Variants in PARP4 observed in about 807,000 individuals in gnomAD.
PARP4 encodes the protein protein mono-ADP-ribosyltransferase PARP4.
Under a neutral mutation model 187.7 loss-of-function variants are expected in PARP4, and 120 were observed. The observed-to-expected ratio is 0.64, with a 90% confidence interval of 0.55 to 0.74. The LOEUF (loss-of-function observed/expected upper bound fraction) is 0.74, where lower values mean the gene tolerates loss of function less well. Among genes scored for constraint, PARP4 ranks in the 30% least tolerant of loss-of-function variants. PARP4 has a pLI of 0.00. For missense variants in PARP4, 1,836 were observed against 2,070.5 expected (o/e 0.89, Z 2.20); for synonymous variants, 654 against 740.9 (o/e 0.88, Z 1.90).
intron 6 of PARP4, among the ~76,000 whole-genome samples, 187 bp from the exon 7 acceptor site, chr13:24,494,909 T>A (rs1868863919): frequency 6.6e-6 from 1 of 151,674 alleles, no homozygotes; most frequent in African/African-American, 2.4e-5. Context: ...TCTTGCTCTG[T>A]CGCCCAGACT....
intron 10 of PARP4, among the ~76,000 whole-genome samples, chr13:24,486,948 C>T (rs533538248): frequency 9.3e-5 from 14 of 151,030 alleles, no homozygotes; most frequent in South Asian, 4.2e-4. Flanking sequence ...GGCGACAGAA[C>T]GAGACTCTGT....
At chr13:24,489,610 A>G (rs1267236564) in intron 10 of PARP4, among the ~76,000 whole-genome samples, 3 of 152,230 alleles carry the variant, frequency 2.0e-5, no homozygotes, top group East Asian at 1.9e-4. Flanking sequence ...CTCCGTCTCA[A>G]AAAAATAAAA....
At chr13:24,444,424 T>G (rs1178629051) in intron 27 of PARP4, among the ~76,000 whole-genome samples, 1 of 152,286 alleles carries the variant, frequency 6.6e-6, no homozygotes, top group Non-Finnish European at 1.5e-5. Flanking sequence ...GTTCTATACA[T>G]AAGTCACTGG....
At chr13:24,461,744 C>A (rs1471470299) in intron 17 of PARP4, among the ~76,000 whole-genome samples, 5 of 152,150 alleles carry the variant, frequency 3.3e-5, no homozygotes, top group Non-Finnish European at 7.4e-5. Flanking sequence ...CCTTTCCCCA[C>A]ATGAAGCAAA....
intron 5 of PARP4, among the ~76,000 whole-genome samples, chr13:24,498,881 T>C (rs1869113381): frequency 6.6e-6 from 1 of 152,270 alleles, no homozygotes; most frequent in Non-Finnish European, 1.5e-5. Context: ...AGAGCACTTT[T>C]ATGTTTAATG....
chr13:24,447,890 C>G (rs1183667558), intron 25 of PARP4, among the ~76,000 whole-genome samples: 1 of 152,202 alleles, frequency 6.6e-6, no homozygotes, highest in Non-Finnish European at 1.5e-5. Flanking sequence ...CCATTTCACA[C>G]CCAGTGGGAT....
At chr13:24,504,307 C>CTTT (rs11434017) in intron 1 of PARP4, among the ~76,000 whole-genome samples, 1,037 of 87,288 alleles carry the variant, frequency 0.012, 53 homozygotes, top group African/African-American at 0.035. Context: ...CATTTAGGTT[C>CTTT]TTTTTTTTTT....
At chr13:24,455,963 G>A (rs1463820817) in intron 21 of PARP4, among the ~76,000 whole-genome samples, 1 of 151,976 alleles carries the variant, frequency 6.6e-6, no homozygotes, top group African/African-American at 2.4e-5. Context: ...GAGACTCTTT[G>A]TCACAGCCAC....
chr13:24,488,938 A>G (rs1868470672), intron 10 of PARP4, among the ~76,000 whole-genome samples: 1 of 152,164 alleles, frequency 6.6e-6, no homozygotes, highest in South Asian at 2.1e-4. Context: ...TCAGCGTAAT[A>G]TTTTTGAGGT....
intron 17 of PARP4, among the ~76,000 whole-genome samples, chr13:24,463,875 C>G (rs1471690074): frequency 6.6e-6 from 1 of 152,126 alleles, no homozygotes; most frequent in African/African-American, 2.4e-5. Context: ...TTGCAGATGA[C>G]AAGATCCTAT....
chr13:24,506,639 T>C (rs936552420), intron 1 of PARP4, among the ~76,000 whole-genome samples: 4 of 152,178 alleles, frequency 2.6e-5, no homozygotes, highest in Admixed American at 2.6e-4. Context: ...AGGGTGTTGA[T>C]TGGTGTGTTT....
intron 12 of PARP4, among the ~76,000 whole-genome samples, chr13:24,481,692 C>G (rs1873289699): frequency 1.3e-5 from 2 of 151,380 alleles, no homozygotes; most frequent in African/African-American, 4.9e-5. Flanking sequence ...AACTCCATCT[C>G]AAAAAAGAAA....
intron 22 of PARP4, among the ~76,000 whole-genome samples, chr13:24,454,743 T>C (rs1217633504): frequency 6.6e-6 from 1 of 152,152 alleles, no homozygotes; most frequent in Non-Finnish European, 1.5e-5. Flanking sequence ...ACAGCAACAC[T>C]GTGAGTTAGG....
At chr13:24,463,293 AT>A (rs1475059674) in intron 17 of PARP4, among the ~76,000 whole-genome samples, 1 of 152,132 alleles carries the variant, frequency 6.6e-6, no homozygotes, top group African/African-American at 2.4e-5. Flanking sequence ...TCAGCAAAAA[AT>A]ATCTTTCAAA....
intron 31 of PARP4, among the ~76,000 whole-genome samples, chr13:24,433,071 G>T (rs1593587428): frequency 1.3e-5 from 2 of 152,270 alleles, no homozygotes; most frequent in East Asian, 3.9e-4. Context: ...CTGAGTGTTG[G>T]GAGGGAAACT....
intron 11 of PARP4, 32 bp downstream of exon 11, chr13:24,486,136 A>C: frequency 6.3e-7 from 1 of 1,576,626 alleles, no homozygotes; most frequent in South Asian, 1.2e-5. Flanking sequence ...GTGAGCCTGA[A>C]ATTTTTGAAA....
intron 30 of PARP4, among the ~76,000 whole-genome samples, chr13:24,435,696 C>T (rs1870600470): frequency 2.0e-5 from 3 of 152,206 alleles, no homozygotes; most frequent in Middle Eastern, 6.8e-3. Context: ...GAGGAAGGAT[C>T]GCTCAAGGCT....
In PARP4 at chr13:24,503,814, G is replaced by C. The variant is rs148675037; in HGVS notation, c.-1-37C>G. 4.6e-4 allele frequency: 721 copies of C among 1,582,004 alleles called. 6 individuals carry two copies. In the East Asian group the frequency reaches 0.012, roughly 27 times the overall value. ...AAAGTTTTTAAGGACCCTCTCTTAA[G>C]TCAATATGACAGTGAATTTAGAATT... On this transcript the variant is annotated intron_variant, in intron 1 of 33. Transcript: ENST00000381989.
intron 33 of PARP4, among the ~76,000 whole-genome samples, chr13:24,423,533 A>AAAATAAATAAAT (rs1555231472): frequency 2.7e-5 from 4 of 150,844 alleles, no homozygotes; most frequent in African/African-American, 9.8e-5. Context: ...CTGGCCTCAA[A>AAAATAAATAAAT]AAATAAATAA....
Sources: gnomAD v4.1 joint callset for allele counts (sites outside exome capture counted in the v4.1 genomes callset) on GRCh38, gnomAD v4.1.1 for gene constraint, MANE v1.5 for transcripts, NCBI Gene and HGNC (gene_info 2026-07-23, HGNC 2026-07-21) for gene names.